FRMD4B: variants seen among roughly 807,000 people sequenced by gnomAD.
FRMD4B encodes FERM domain containing 4B.
FRMD4B carries 74 observed loss-of-function variants against 141.5 expected under a neutral mutation model. That is an observed-to-expected ratio of 0.52 (90% CI 0.43 to 0.63). The LOEUF is 0.63. Among genes scored for constraint, FRMD4B ranks in the 30% least tolerant of loss-of-function variants. The pLI, the probability that FRMD4B is intolerant of heterozygous loss-of-function variation, is 0.00. For synonymous variants in FRMD4B, 506 were observed against 467.9 expected (o/e 1.08, Z -1.05); for missense variants, 1,366 against 1,253.4 (o/e 1.09, Z -1.36).
rs113845394 is a variant in FRMD4B at position 69,526,453 on chromosome 3, C to T, written c.-129+15753G>A. Among the ~76,000 whole-genome samples, 1,308 of 152,190 alleles carry T rather than the reference C, an allele frequency of 8.6e-3. 21 individuals are homozygous for T. The highest frequency in any genetic ancestry group is 0.029 in the African/African-American group (1,201 of 41,500). On this transcript the variant is annotated intron_variant, in intron 1 of 5. Coordinates refer to the FRMD4B transcript ENST00000459638. ...GTCTATCTCAGGATCTGCTTCTGGACGAACTTGAATAAGACACCGCTGTGG... is the reference window on the plus strand; with the variant it reads ...GTCTATCTCAGGATCTGCTTCTGGATGAACTTGAATAAGACACCGCTGTGG...
At chr3:69,416,303 A>T (rs1704859097) in intron 2 of FRMD4B, among the ~76,000 whole-genome samples, 1 of 152,180 alleles carries the variant, frequency 6.6e-6, no homozygotes, top group South Asian at 2.1e-4. Context: ...ACAGGGTCTC[A>T]CTCTGTTGCC....
rs571046592 is a variant in FRMD4B at position 69,302,517 on chromosome 3, G to A, written c.324-82C>T. ...CGTACAGTGTTGGCAAAGCTGTGGC[G>A]AAATAGTTGCTCTCATACACCGATG... On this transcript the variant is annotated intron_variant, in intron 3 of 22. Transcript: ENST00000398540. The A allele has an allele frequency of 1.7e-4, 141 of 826,908 alleles. No homozygotes were observed. The African/African-American group carries it at 1.9e-3, about 11-fold the overall frequency. The allele number at this position is 826,908 out of a possible 1,614,324, so 51.2% of individuals were successfully genotyped here. A position where few individuals can be genotyped will look rare whatever the true frequency, so the allele number is the denominator to read the frequency against.
chr3:69,512,056 G>A (rs984558384), intron 1 of FRMD4B, among the ~76,000 whole-genome samples: 3 of 152,116 alleles, frequency 2.0e-5, no homozygotes, highest in Non-Finnish European at 2.9e-5. Flanking sequence ...TCTGTCACAG[G>A]ACAAAAGAAT....
chr3:69,343,173 T>G (rs1342419662), intron 1 of FRMD4B, among the ~76,000 whole-genome samples: 1 of 152,108 alleles, frequency 6.6e-6, no homozygotes, highest in Non-Finnish European at 1.5e-5. Context: ...AGGCTGGTCT[T>G]GACCTCCTGG....
upstream of FRMD4B, among the ~76,000 whole-genome samples, chr3:69,389,722 G>A (rs1302323847): frequency 6.6e-6 from 1 of 152,124 alleles, no homozygotes; most frequent in Non-Finnish European, 1.5e-5. Flanking sequence ...TGCAGTGGGT[G>A]GCAACTGAAC....
At position 69,339,697 on chromosome 3, in the gene FRMD4B, G is replaced by A. The variant is rs140924254; in HGVS notation, c.163-26180C>T. 1.4e-4 allele frequency among the ~76,000 whole-genome samples: 21 copies of A among 152,184 alleles called. No homozygotes were observed. The East Asian group carries it at 1.9e-3, about 14-fold the overall frequency. On this transcript the variant is annotated intron_variant, in intron 1 of 22. Transcript: ENST00000398540. ...TCGAAAAAAAGGCAGAAAACATTTC[G>A]ACTTGGGAGAGACATCCATGGGACA...
intron 1 of FRMD4B, among the ~76,000 whole-genome samples, chr3:69,367,257 C>T (rs778353415): frequency 5.3e-5 from 8 of 152,120 alleles, no homozygotes; most frequent in Non-Finnish European, 7.4e-5. Flanking sequence ...GATATTCTTG[C>T]TATAAAATAT....
intron 4 of FRMD4B, among the ~76,000 whole-genome samples, chr3:69,297,899 C>G (rs1213339133): frequency 7.3e-6 from 1 of 137,922 alleles, no homozygotes. Context: ...TTTAGCACAC[C>G]TCTTTGAGAT....
chr3:69,267,138 A>G (rs1040128481), intron 5 of FRMD4B, among the ~76,000 whole-genome samples: 4 of 152,196 alleles, frequency 2.6e-5, no homozygotes, highest in Admixed American at 6.5e-5. Flanking sequence ...TGTTTTCACC[A>G]TGTTCCCAGA....
intron 1 of FRMD4B, among the ~76,000 whole-genome samples, chr3:69,344,616 GCT>G (rs1018260402): frequency 3.3e-5 from 5 of 151,600 alleles, no homozygotes; most frequent in Non-Finnish European, 5.9e-5. Flanking sequence ...CTGGAGTCCA[GCT>G]CTCTCTCTCT....
chr3:69,266,302 G>A (rs1034684923), intron 5 of FRMD4B, among the ~76,000 whole-genome samples: 2 of 152,128 alleles, frequency 1.3e-5, no homozygotes, highest in African/African-American at 4.8e-5. Context: ...AACCATTAAA[G>A]AGCATCAAAA....
In FRMD4B at chr3:69,187,848, G is replaced by A. The variant is rs191669150; in HGVS notation, c.1841C>T (p.Pro614Leu). ...SVPHSPRILP[P>L]KSLGIERIHF... ...GATTCGCTCAATACCAAGAGACTTG[G>A]GGGGAAGAATTCTTGGAGAATGAGG... Residue 614 changes from proline (P) to leucine (L), a missense_variant, in exon 19 of 23, where the codon CCC (proline) becomes CTC (leucine). Transcript: ENST00000398540. The A allele has an allele frequency of 4.6e-5, 74 of 1,611,012 alleles. No individual in the cohort carries two copies. In the African/African-American group the frequency reaches 8.8e-4, roughly 19 times the overall value.
intron 1 of FRMD4B, among the ~76,000 whole-genome samples, chr3:69,534,217 A>G (rs1245103203): frequency 2.0e-5 from 3 of 152,012 alleles, no homozygotes; most frequent in Non-Finnish European, 4.4e-5. Context: ...AATCTACACT[A>G]TGTTTTACCT....
At chr3:69,203,479 G>C (rs1005129436) in intron 11 of FRMD4B, among the ~76,000 whole-genome samples, 13 of 152,150 alleles carry the variant, frequency 8.5e-5, no homozygotes, top group Admixed American at 2.6e-4. Flanking sequence ...GATATTTCTT[G>C]AGTGCCGTGT....
intron 1 of FRMD4B, among the ~76,000 whole-genome samples, chr3:69,465,742 T>C (rs1319257810): frequency 6.6e-6 from 1 of 152,198 alleles, no homozygotes; most frequent in Non-Finnish European, 1.5e-5. Context: ...TATGGCTATA[T>C]AGTGTTCCAT....
At chr3:69,410,706 T>TATAAATAAATAA (rs1219342263) in intron 2 of FRMD4B, among the ~76,000 whole-genome samples, 35 of 114,448 alleles carry the variant, frequency 3.1e-4, no homozygotes, top group African/African-American at 1.1e-3. Flanking sequence ...AAAAGAAATA[T>TATAAATAAATAA]ATAAATAAAT....
intron 1 of FRMD4B, among the ~76,000 whole-genome samples, chr3:69,361,616 C>T (rs1703473403): frequency 6.6e-6 from 1 of 152,042 alleles, no homozygotes; most frequent in Admixed American, 6.6e-5. Context: ...TTTTTAATAC[C>T]TGGCTTCTTT....
At chr3:69,305,008 T>C (rs1030273022) in intron 3 of FRMD4B, among the ~76,000 whole-genome samples, 2 of 152,140 alleles carry the variant, frequency 1.3e-5, no homozygotes, top group African/African-American at 4.8e-5. Flanking sequence ...CTCTATCGAG[T>C]AATGACTCTG....
chr3:69,470,922 G>T (rs1303198006), intron 1 of FRMD4B, among the ~76,000 whole-genome samples: 1 of 152,118 alleles, frequency 6.6e-6, no homozygotes, highest in Non-Finnish European at 1.5e-5. Flanking sequence ...TGGCCGACAG[G>T]CTTGAAACAA....
Sources: allele counts gnomAD v4.1 joint callset (sites outside exome capture counted in the v4.1 genomes callset), GRCh38; gene constraint gnomAD v4.1.1; transcripts MANE v1.5; gene names NCBI Gene and HGNC (gene_info 2026-07-23, HGNC 2026-07-21).